ZNF107: variants seen among roughly 807,000 people sequenced by gnomAD.
The protein encoded by ZNF107 is C2H2 type zinc-finger protein.
A neutral mutation model predicts 12.3 loss-of-function variants in ZNF107; 19 were observed. The observed-to-expected ratio is 1.55, with a 90% confidence interval of 1.08 to 2.27. The LOEUF (loss-of-function observed/expected upper bound fraction) is 2.27. ZNF107 is among the 30% of genes most tolerant of loss of function. The pLI is 0.00. For synonymous variants in ZNF107, 317 were observed against 330.5 expected (o/e 0.96, Z 0.44); for missense variants, 958 against 979.9 (o/e 0.98, Z 0.30).
intron 1 of ZNF107, chr7:64,686,508 G>C (rs1789918106): frequency 3.0e-6 from 3 of 985,188 alleles, no homozygotes; most frequent in East Asian, 1.1e-4. Context: ...AAGAATCCCT[G>C]AGAAACATCA....
Position 64,666,296 on chromosome 7 carries a change from TGG to T in ZNF107, c.3+13_3+14del. The T allele has an allele frequency of 6.2e-7, 1 of 1,609,612 alleles. No homozygotes were observed. ...GGAAACCTAGAAATGGTGAGAGTGC[TGG>T]GTCCGACATCCCGAGAGAGGGGGAG... On this transcript the variant is annotated intron_variant, in intron 1 of 3. Transcript: ENST00000620827.
At chr7:64,686,672 A>G (rs1490840376) in intron 1 of ZNF107, 6 of 980,500 alleles carry the variant, frequency 6.1e-6, no homozygotes, top group African/African-American at 1.8e-5. Flanking sequence ...GAACCAGAAA[A>G]CCTGCAACAA....
rs576197198 is a variant in ZNF107, at chr7:64,708,101, G to C, written c.2004G>C (p.Lys668Asn). Reference sequence around the variant, plus strand: ...TATTCTCAAACATTACTAACCATAAGATAATTTATACTGGAGAGAAACCCC... The same window carrying C: ...TATTCTCAAACATTACTAACCATAACATAATTTATACTGGAGAGAAACCCC... ...FNLFSNITNH[K>N]IIYTGEKPHK... is the part of the protein sequence containing the mutation. Residue 668 changes from lysine to asparagine, a missense_variant, in exon 4 of 4, where the codon AAG (lysine) becomes AAC (asparagine). Physicochemically the swap from Lys to Asn is moderately conservative, Grantham distance 94. Coordinates refer to ENST00000620827, the MANE Select transcript of ZNF107 (RefSeq NM_001282359.2). 2.5e-6 allele frequency: 4 copies of C among 1,613,000 alleles called. No homozygotes were observed. The highest frequency in any genetic ancestry group is 1.1e-5 in the South Asian group (1 of 90,892).
chr7:64,705,912 G>C (rs1296044796), intron 3 of ZNF107, among the ~76,000 whole-genome samples: 1 of 151,256 alleles, frequency 6.6e-6, no homozygotes, highest in Non-Finnish European at 1.5e-5. Flanking sequence ...TATCTGCAAA[G>C]GCACATAGAA....
chr7:64,678,056 ATAAAT>A (rs1291888707), intron 1 of ZNF107, among the ~76,000 whole-genome samples: 5 of 152,216 alleles, frequency 3.3e-5, no homozygotes, highest in Admixed American at 2.0e-4. Context: ...TGAACGATAC[ATAAAT>A]TATATTAACA....
chr7:64,671,441 A>G (rs1242630812), intron 1 of ZNF107, among the ~76,000 whole-genome samples: 2 of 152,166 alleles, frequency 1.3e-5, no homozygotes, highest in African/African-American at 2.4e-5. Context: ...ACATATTCCT[A>G]TTCCCAGACA....
chr7:64,691,717 A>T, intron 2 of ZNF107, 148 bp from the exon 3 acceptor site: 2 of 382,854 alleles, frequency 5.2e-6, no homozygotes, highest in Non-Finnish European at 7.6e-6. Flanking sequence ...TAAAACCTAC[A>T]CATTTAAAAT....
intron 1 of ZNF107, 39 bp from the exon 2 acceptor site, chr7:64,691,209 T>C (rs1790106585): frequency 5.7e-6 from 8 of 1,407,666 alleles, no homozygotes; most frequent in Non-Finnish European, 7.5e-6. Flanking sequence ...TGACAGCTTA[T>C]GGCTGCTTGG....
intron 1 of ZNF107, 108 bp from the exon 2 acceptor site, chr7:64,691,140 G>T: frequency 1.8e-6 from 2 of 1,091,992 alleles, no homozygotes; most frequent in East Asian, 5.5e-5. Flanking sequence ...CCAAAGTGCT[G>T]GGATTACAGG....
In ZNF107 at chr7:64,707,473, G is replaced by A. The variant is rs765869852; in HGVS notation, c.1376G>A (p.Gly459Asp). ...AAATCCTATAAATGTGAAGAATGTGGCAAAGCTTTTAACCAACACTCAAAC... is the reference window on the plus strand; with the variant it reads ...AAATCCTATAAATGTGAAGAATGTGACAAAGCTTTTAACCAACACTCAAAC... ...AEKSYKCEEC[G>D]KAFNQHSNLI... Residue 459 changes from glycine (G) to aspartate (D), a missense_variant, in exon 4 of 4, where the codon GGC becomes GAC. By Grantham distance (94) the Gly-to-Asp change is moderately conservative. Coordinates refer to ENST00000620827, the MANE Select transcript of ZNF107 (RefSeq NM_001282359.2). The A allele has an allele frequency of 3.7e-6, 6 of 1,613,086 alleles. No homozygotes were observed. The highest frequency in any genetic ancestry group is 3.3e-5 in the South Asian group (3 of 91,016).
rs568522586 is a variant in ZNF107, at chr7:64,678,689, T to C, written c.3+12404T>C. Among the ~76,000 whole-genome samples, 12 of 152,314 alleles carry C rather than the reference T, an allele frequency of 7.9e-5. No individual in the cohort carries two copies. The East Asian group carries it at 1.9e-3, about 24-fold the overall frequency. On this transcript the variant is annotated intron_variant, in intron 1 of 3. Transcript: ENST00000620827. ...TACACTAAAATTATTTATACTTAGG[T>C]ATTTTATCCAATGTGAAAGAAAATT...
chr7:64,677,906 G>A (rs1229690022), intron 1 of ZNF107, among the ~76,000 whole-genome samples: 1 of 147,024 alleles, frequency 6.8e-6, no homozygotes, highest in Non-Finnish European at 1.5e-5. Flanking sequence ...CATGTCCAGA[G>A]ACCTGTCTGT....
At chr7:64,687,077 T>G in intron 1 of ZNF107, 2 of 985,470 alleles carry the variant, frequency 2.0e-6, no homozygotes, top group African/African-American at 3.5e-5. Context: ...TCATATCTAA[T>G]CTGAGTTTTT....
chr7:64,693,030 G>A (rs987569960), intron 3 of ZNF107, among the ~76,000 whole-genome samples: 21 of 151,774 alleles, frequency 1.4e-4, no homozygotes, highest in Non-Finnish European at 2.4e-4. Context: ...ACAGAGTCTT[G>A]CTCTGTCGCC....
At position 64,691,843 on chromosome 7, in the gene ZNF107, ATATT is replaced by A; in HGVS notation, c.131-16_131-13del. On this transcript the variant is annotated intron_variant, in intron 2 of 3. Coordinates refer to ENST00000620827, the MANE Select transcript of ZNF107 (RefSeq NM_001282359.2). ...AGAATATGATTAAGATTCATGTTAT[ATATT>A]TATTTTCAATAAAACAGGTATTGCT... 7.6e-7 allele frequency: 1 copy of A among 1,321,316 alleles called. No individual in the cohort carries two copies. Among genetic ancestry groups the A allele is most frequent in the South Asian group, 1.9e-5 (1 of 52,872 alleles). 81.8% of individuals were successfully genotyped at this position (1,321,316 alleles called of 1,614,324 possible).
intron 1 of ZNF107, among the ~76,000 whole-genome samples, chr7:64,667,635 A>G (rs779438564): frequency 1.6e-4 from 24 of 152,152 alleles, no homozygotes; most frequent in Admixed American, 3.3e-4. Flanking sequence ...TCTCTAGTAA[A>G]TTTCAGCTCC....
intron 1 of ZNF107, among the ~76,000 whole-genome samples, chr7:64,685,076 A>G (rs1282622032): frequency 6.6e-6 from 1 of 151,940 alleles, no homozygotes; most frequent in African/African-American, 2.4e-5. Flanking sequence ...TCATTGGCCA[A>G]CTTCTCCATC....
chr7:64,693,165 ATTTTTTTT>A (rs34734604), intron 3 of ZNF107, among the ~76,000 whole-genome samples: 2 of 110,106 alleles, frequency 1.8e-5, no homozygotes, highest in African/African-American at 6.9e-5. Flanking sequence ...CACTCAGCTA[ATTTTTTTT>A]TTTTTTTTTT....
At chr7:64,671,680 A>G (rs1354398881) in intron 1 of ZNF107, among the ~76,000 whole-genome samples, 2 of 151,752 alleles carry the variant, frequency 1.3e-5, no homozygotes, top group Non-Finnish European at 2.9e-5. Context: ...AGTTTGTTAT[A>G]TAGGTAAAAT....
Sources: allele counts gnomAD v4.1 joint callset (sites outside exome capture counted in the v4.1 genomes callset), GRCh38; gene constraint gnomAD v4.1.1; transcripts MANE v1.5; gene names NCBI Gene and HGNC (gene_info 2026-07-23, HGNC 2026-07-21).